Variants in PTPRS observed in about 807,000 individuals in gnomAD.
PTPRS encodes receptor-type tyrosine-protein phosphatase S.
In PTPRS, 63 loss-of-function variants were observed where a neutral mutation model predicts 215.3. That is an observed-to-expected ratio of 0.29 (90% CI 0.24 to 0.36). The LOEUF (loss-of-function observed/expected upper bound fraction) is 0.36. Ranked by LOEUF, PTPRS falls within the 10% of genes least tolerant of loss-of-function variation. The pLI is 1.00. For missense variants in PTPRS, 2,258 were observed against 2,825.8 expected (o/e 0.80, Z 4.56); for synonymous variants, 1,404 against 1,191.4 (o/e 1.18, Z -3.68).
rs962293155 is a variant in PTPRS, at chr19:5,244,923, C to G, written c.989-441G>C. 6.6e-6 allele frequency among the ~76,000 whole-genome samples: 1 copy of G among 152,106 alleles called. No homozygotes were observed. Among genetic ancestry groups the G allele is most frequent in the African/African-American group, 2.4e-5 (1 of 41,398 alleles). On this transcript the variant is annotated intron_variant, in intron 10 of 37. Transcript: ENST00000262963. The surrounding 1 kb of genome is among the most constrained non-coding windows in gnomAD (Gnocchi z 7.2). Reference sequence around the variant, plus strand: ...GACCTCGTGATCCGCCCGCCTCGGCCTCCCGAAGTGCTGGGATTACAGGTG... The same window carrying G: ...GACCTCGTGATCCGCCCGCCTCGGCGTCCCGAAGTGCTGGGATTACAGGTG...
rs765283587 is a variant in PTPRS at position 5,219,483 on chromosome 19, G to A, written c.3766-16C>T. 4 of 1,552,306 alleles carry A rather than the reference G, an allele frequency of 2.6e-6. No individual in the cohort carries two copies. ...CTGCAAAGGTCTGCAGGGAAAGGAG[G>A]GGGGTCTCCATCAGTGTCCACCCTC... On this transcript the variant is annotated splice_polypyrimidine_tract_variant and intron_variant, in intron 22 of 37. Transcript: ENST00000262963.
At chr19:5,252,405 T>C (rs893186051) in intron 9 of PTPRS, among the ~76,000 whole-genome samples, 3 of 151,784 alleles carry the variant, frequency 2.0e-5, no homozygotes, top group African/African-American at 4.8e-5. Flanking sequence ...GGTGAAACCC[T>C]GTCTCTACCA....
rs1599677673 is a variant in PTPRS at position 5,247,801 on chromosome 19, T to C, written c.719-1756A>G. 2.0e-5 allele frequency among the ~76,000 whole-genome samples: 3 copies of C among 151,822 alleles called. No individual in the cohort carries two copies. In the South Asian group the frequency reaches 6.3e-4, roughly 32 times the overall value. ...GTTCCTAGCTGGAAATCCCAACCCC[T>C]GCCTTCCTGAATCCGGGCGGGAGGC... On this transcript the variant is annotated intron_variant, in intron 9 of 37. Coordinates refer to ENST00000262963, the MANE Select transcript of PTPRS (RefSeq NM_002850.4).
intron 1 of PTPRS, among the ~76,000 whole-genome samples, chr19:5,309,987 G>A (rs560730639): frequency 4.6e-5 from 7 of 152,056 alleles, no homozygotes; most frequent in East Asian, 1.9e-4. Flanking sequence ...CAGAGTAAAC[G>A]CCCAAGTCCT....
At chr19:5,220,449 T>C in intron 20 of PTPRS, 96 bp from the exon 21 acceptor site, 1 of 1,000,842 alleles carries the variant, frequency 1.0e-6, no homozygotes, top group Non-Finnish European at 1.5e-6. Context: ...TCTCTGAGTC[T>C]TCCCTTCTGT....
At chr19:5,214,243 G>C in intron 30 of PTPRS, 118 bp downstream of exon 30, 1 of 1,412,020 alleles carries the variant, frequency 7.1e-7, no homozygotes, top group South Asian at 1.3e-5. Context: ...AGCCTGGGTA[G>C]ACACGCTCCG....
At chr19:5,319,884 G>A (rs987270906) in intron 1 of PTPRS, among the ~76,000 whole-genome samples, 1 of 151,792 alleles carries the variant, frequency 6.6e-6, no homozygotes, top group African/African-American at 2.4e-5. Flanking sequence ...CCTCCCTCCC[G>A]AGTCCCCTTT....
chr19:5,259,574 T>C lies in PTPRS; in HGVS notation c.595+1231A>G, dbSNP rs150566227. ...GTATGTTTGTAATCACAGGCCTGGA[T>C]CAAAGTCCTTATTTTCATAAGTAAA... On this transcript the variant is annotated intron_variant, in intron 7 of 37. Coordinates refer to ENST00000262963, the MANE Select transcript of PTPRS (RefSeq NM_002850.4). Among the ~76,000 whole-genome samples, 326 of 152,258 alleles carry C rather than the reference T, an allele frequency of 2.1e-3. 5 individuals carry two copies. The highest frequency in any genetic ancestry group is 7.3e-3 in the African/African-American group (303 of 41,540).
At chr19:5,273,290 T>G in intron 4 of PTPRS, 152 bp downstream of exon 4, 1 of 1,052,286 alleles carries the variant, frequency 9.5e-7, no homozygotes, top group Non-Finnish European at 1.5e-6. Context: ...CGCTGGGCCC[T>G]GAGACTGTTA....
At chr19:5,208,812 A>ACCTAAAT (rs2040605713) in intron 35 of PTPRS, among the ~76,000 whole-genome samples, 1 of 151,682 alleles carries the variant, frequency 6.6e-6, no homozygotes, top group Non-Finnish European at 1.5e-5. Flanking sequence ...GACATCCAGC[A>ACCTAAAT]CCTCCATCCT....
intron 4 of PTPRS, among the ~76,000 whole-genome samples, chr19:5,271,364 C>A (rs955420768): frequency 6.6e-6 from 1 of 152,112 alleles, no homozygotes; most frequent in African/African-American, 2.4e-5. Flanking sequence ...ACGGAATTAC[C>A]CCTTGTGGTG....
intron 22 of PTPRS, 24 bp downstream of exon 22, chr19:5,219,915 G>T (rs772276435): frequency 6.2e-7 from 1 of 1,608,224 alleles, no homozygotes; most frequent in South Asian, 1.1e-5. Context: ...GTCTGGATGT[G>T]GGCGGACACC....
chr19:5,223,948 A>G (rs1030369909), intron 17 of PTPRS, among the ~76,000 whole-genome samples: 1 of 151,180 alleles, frequency 6.6e-6, no homozygotes, highest in African/African-American at 2.4e-5. Context: ...GGAGGCTGAG[A>G]TGGGCAGATC....
chr19:5,234,120 G>C (rs2043239903), intron 13 of PTPRS, among the ~76,000 whole-genome samples: 2 of 152,022 alleles, frequency 1.3e-5, no homozygotes, highest in South Asian at 4.2e-4. Context: ...TGTAGGTCAG[G>C]CATGGTGCCA....
In PTPRS at chr19:5,298,505, T is replaced by C. The variant is rs902631425; in HGVS notation, c.-94-12271A>G. Reference sequence around the variant, plus strand: ...TTGGCTGTGAGAGCCAGAGAGAAACTGGTTGGGCAGCTTCCTCTCAGCTTC... The same window carrying C: ...TTGGCTGTGAGAGCCAGAGAGAAACCGGTTGGGCAGCTTCCTCTCAGCTTC... On this transcript the variant is annotated intron_variant, in intron 1 of 37. Coordinates refer to ENST00000262963, the MANE Select transcript of PTPRS (RefSeq NM_002850.4). Among the ~76,000 whole-genome samples, 4 of 152,214 alleles carry C rather than the reference T, an allele frequency of 2.6e-5. No individual in the cohort carries two copies. The East Asian group carries it at 7.7e-4, about 29-fold the overall frequency.
intron 2 of PTPRS, chr19:5,277,872 C>A: frequency 1.0e-6 from 1 of 971,254 alleles, no homozygotes; most frequent in Non-Finnish European, 1.6e-6. Flanking sequence ...ACAGGGTTCG[C>A]AGAACGTTCA....
chr19:5,284,316 C>T (rs753412691), intron 2 of PTPRS, among the ~76,000 whole-genome samples: 47 of 151,130 alleles, frequency 3.1e-4, no homozygotes, highest in East Asian at 3.9e-4. Flanking sequence ...GCCGAGACTG[C>T]GCCACCGCAC....
chr19:5,259,104 G>A (rs2045792729), intron 7 of PTPRS, among the ~76,000 whole-genome samples: 1 of 152,150 alleles, frequency 6.6e-6, no homozygotes, highest in South Asian at 2.1e-4. Flanking sequence ...GTAAAGTTGA[G>A]GCTAAAATGC....
Position 5,220,032 on chromosome 19 carries a change from G to A in PTPRS, c.3672C>T (p.Asp1224=). 6.2e-7 allele frequency: 1 copy of A among 1,614,092 alleles called. No individual in the cohort carries two copies. The highest frequency in any genetic ancestry group is 8.5e-7 in the Non-Finnish European group (1 of 1,180,048). ...TATCGAAGCCGCCATACTGCTTCTGGTCGCCGGGATGGAACGTGGGTGGCA... is the reference window on the plus strand; with the variant it reads ...TATCGAAGCCGCCATACTGCTTCTGATCGCCGGGATGGAACGTGGGTGGCA... ...SVLPPTFHPG[D]QKQYGGFDNR... Residue 1224 remains aspartate (D), a synonymous_variant, in exon 22 of 38, where the codon GAC becomes GAT. Transcript: ENST00000262963.
Sources: gnomAD v4.1 joint callset for allele counts (sites outside exome capture counted in the v4.1 genomes callset) on GRCh38, gnomAD v4.1.1 for gene constraint, Gnocchi (gnomAD v3.1) non-coding constraint, MANE v1.5 for transcripts, NCBI Gene and HGNC (gene_info 2026-07-23, HGNC 2026-07-21) for gene names.